The following DNM3 variants were observed in gnomAD, a reference collection of about 807,000 sequenced individuals.
DNM3 encodes dynamin 3.
DNM3 carries 47 observed loss-of-function variants against 101.6 expected under a neutral mutation model. The ratio of observed to expected loss-of-function variants is 0.46; its 90% CI spans 0.37 to 0.59. The LOEUF is 0.59. Ranked by LOEUF, DNM3 falls within the 20% of genes least tolerant of loss-of-function variation. The pLI, the probability that DNM3 is intolerant of heterozygous loss-of-function variation, is 0.00. For missense variants in DNM3, 849 were observed against 1,085.7 expected (o/e 0.78, Z 3.06); for synonymous variants, 385 against 387.9 (o/e 0.99, Z 0.09).
chr1:172,200,819 C>T (rs1017947798), intron 14 of DNM3, among the ~76,000 whole-genome samples: 2 of 152,014 alleles, frequency 1.3e-5, no homozygotes, highest in African/African-American at 2.4e-5. Flanking sequence ...TTCTTATTTT[C>T]TTGGATCGGG....
intron 2 of DNM3, among the ~76,000 whole-genome samples, chr1:171,940,088 G>T (rs1473589671): frequency 1.3e-5 from 2 of 152,132 alleles, no homozygotes; most frequent in African/African-American, 2.4e-5. Flanking sequence ...GGTTGTTAGG[G>T]TGTCTGAACA....
rs892136603 is a variant in DNM3, at chr1:172,038,334, A to G, written c.865A>G (p.Ile289Val). Reference sequence around the variant, plus strand: ...TTTTGTTTAGCAACTTACCAACCACATTCGGGATACCCTACCAAACTTCAG... The same window carrying G: ...TTTTGTTTAGCAACTTACCAACCACGTTCGGGATACCCTACCAAACTTCAG... ...KVLNQQLTNH[I>V]RDTLPNFRNK... The change falls in exon 7 of 21, where the codon ATT becomes GTT. Residue 289 changes from isoleucine (I) to valine (V), a missense_variant. By Grantham distance (29) the Ile-to-Val change is conservative (BLOSUM62 3). This residue lies in a region of DNM3 where 388 missense variants were observed against 483.0 expected (regional missense o/e 0.80). Coordinates refer to ENST00000627582, the MANE Select transcript of DNM3 (RefSeq NM_015569.5). 3 of 1,613,350 alleles carry G rather than the reference A, an allele frequency of 1.9e-6. No homozygotes were observed. The highest frequency in any genetic ancestry group is 2.5e-6 in the Non-Finnish European group (3 of 1,179,516).
intron 1 of DNM3, among the ~76,000 whole-genome samples, chr1:171,903,870 T>C (rs953658951): frequency 6.6e-6 from 1 of 152,228 alleles, no homozygotes; most frequent in Non-Finnish European, 1.5e-5. Context: ...TGTTCTATTA[T>C]AGCCAAGATA....
At chr1:172,050,278 T>G (rs997999169) in intron 10 of DNM3, among the ~76,000 whole-genome samples, 2 of 152,168 alleles carry the variant, frequency 1.3e-5, no homozygotes, top group Non-Finnish European at 2.9e-5. Context: ...TAACTGATAC[T>G]GAGTTTCCTA....
chr1:172,418,318 C>T (rs1234783420), exon 21 of DNM3: 1 of 1,289,020 alleles, frequency 7.8e-7, no homozygotes, highest in South Asian at 1.2e-5. Context: ...ACCATCCTAA[C>T]CCCCATCATT....
intron 15 of DNM3, among the ~76,000 whole-genome samples, chr1:172,300,816 C>T (rs2256059): frequency 0.076 from 11,573 of 152,218 alleles, 515 homozygotes; most frequent in African/African-American, 0.11. Context: ...TTAAAGAGGA[C>T]ACTTTTATGT....
chr1:171,885,497 A>T (rs1170697200), intron 1 of DNM3, among the ~76,000 whole-genome samples: 1 of 152,026 alleles, frequency 6.6e-6, no homozygotes, highest in African/African-American at 2.4e-5. Flanking sequence ...CCTCTGAAAA[A>T]TTTTTTGAAA....
At chr1:172,074,777 C>T (rs1460068689) in intron 11 of DNM3, among the ~76,000 whole-genome samples, 3 of 152,148 alleles carry the variant, frequency 2.0e-5, no homozygotes, top group African/African-American at 7.2e-5. Flanking sequence ...AATAAACATG[C>T]GTGTACATGT....
At chr1:172,371,715 A>G (rs1045637078) in intron 17 of DNM3, among the ~76,000 whole-genome samples, 1 of 151,982 alleles carries the variant, frequency 6.6e-6, no homozygotes, top group Non-Finnish European at 1.5e-5. Context: ...TGACAGAGCC[A>G]AGATATAATA....
At chr1:172,278,649 T>A (rs912102098) in intron 15 of DNM3, among the ~76,000 whole-genome samples, 3 of 152,088 alleles carry the variant, frequency 2.0e-5, no homozygotes, top group Non-Finnish European at 4.4e-5. Flanking sequence ...CTCATAAACA[T>A]CCCTGCTGTG....
chr1:171,950,775 C>G (rs1314397456), intron 2 of DNM3, among the ~76,000 whole-genome samples: 2 of 152,054 alleles, frequency 1.3e-5, no homozygotes. Flanking sequence ...GATGGTTTCT[C>G]AGGGGTACAC....
In DNM3 at chr1:172,131,578, T is replaced by C. The variant is rs368685586; in HGVS notation, c.1659+290T>C. On this transcript the variant is annotated intron_variant, in intron 14 of 20. Transcript: ENST00000627582. ...TTGAAAACCTCCTTCTTTATAATCA[T>C]GTCAATGTACTGGTAAAGTGAAAAC... Among the ~76,000 whole-genome samples, 329 of 152,300 alleles carry C rather than the reference T, an allele frequency of 2.2e-3. 1 individual carries two copies. The highest frequency in any genetic ancestry group is 7.4e-3 in the African/African-American group (307 of 41,570).
chr1:172,056,440 CCTGT>C (rs771457286), intron 10 of DNM3, among the ~76,000 whole-genome samples: 1 of 152,150 alleles, frequency 6.6e-6, no homozygotes, highest in Non-Finnish European at 1.5e-5. Flanking sequence ...CTTAAATGTC[CCTGT>C]CTGACAGCTT....
chr1:172,125,566 G>C (rs2056575463), intron 13 of DNM3, among the ~76,000 whole-genome samples: 2 of 152,086 alleles, frequency 1.3e-5, no homozygotes, highest in Non-Finnish European at 2.9e-5. Context: ...CCCATTGCTG[G>C]TCTTGCAGTT....
intron 18 of DNM3, among the ~76,000 whole-genome samples, chr1:172,381,672 C>T (rs1260361005): frequency 1.3e-5 from 2 of 152,100 alleles, no homozygotes; most frequent in East Asian, 3.9e-4. Context: ...ACACCCAGCA[C>T]TGTGCCATCT....
chr1:172,080,543 G>T (rs992050012), intron 11 of DNM3, among the ~76,000 whole-genome samples: 6 of 152,262 alleles, frequency 3.9e-5, no homozygotes, highest in African/African-American at 1.4e-4. Context: ...CAAGATGGCA[G>T]ATCTTAGCTT....
intron 11 of DNM3, among the ~76,000 whole-genome samples, chr1:172,073,704 A>T (rs2052405963): frequency 6.6e-6 from 1 of 152,132 alleles, no homozygotes; most frequent in African/African-American, 2.4e-5. Flanking sequence ...TAGTCACCAA[A>T]ATTTATCCAA....
Position 171,965,556 on chromosome 1 carries a change from A to T in DNM3, c.236-22100A>T, listed in dbSNP as rs12071915. Among the ~76,000 whole-genome samples, 1,403 of 151,904 alleles carry T rather than the reference A, an allele frequency of 9.2e-3. 21 individuals are homozygous for T. Among genetic ancestry groups the T allele is most frequent in the African/African-American group, 0.032 (1,320 of 41,422 alleles). ...ACAGAGCTAGACCCTGTCTCAAAAA[A>T]AAAAAAAAGGGTTGTTGCGGGGGAT... On this transcript the variant is annotated intron_variant, in intron 2 of 20. Transcript: ENST00000627582.
At chr1:172,244,148 G>C (rs2061854357) in intron 14 of DNM3, among the ~76,000 whole-genome samples, 1 of 152,062 alleles carries the variant, frequency 6.6e-6, no homozygotes, top group South Asian at 2.1e-4. Context: ...AGTTTACTGA[G>C]AATGATGATT....
Sources: allele counts gnomAD v4.1 joint callset (sites outside exome capture counted in the v4.1 genomes callset), GRCh38; gene constraint gnomAD v4.1.1; regional missense constraint gnomAD v4.1.1; transcripts MANE v1.5; gene names NCBI Gene and HGNC (gene_info 2026-07-23, HGNC 2026-07-21).